ZSWIM2: variants seen among roughly 807,000 people sequenced by gnomAD.
ZSWIM2 encodes zinc finger SWIM-type containing 2.
ZSWIM2 carries 38 observed loss-of-function variants against 48.4 expected under a neutral mutation model. The ratio of observed to expected loss-of-function variants is 0.79; its 90% CI spans 0.61 to 1.03. The LOEUF is 1.03. ZSWIM2 is among the 50% of genes least tolerant of loss of function. The probability of loss-of-function intolerance (pLI) is 0.00; values close to 1 mark genes in which losing one functional copy is unlikely to be tolerated. For missense variants in ZSWIM2, 776 were observed against 730.2 expected, an observed-to-expected ratio of 1.06 and a Z score of -0.72; for synonymous variants, 240 against 251.3, an observed-to-expected ratio of 0.96 and a Z score of 0.42.
chr2:186,846,139 A>G (rs1250199078), intron 2 of ZSWIM2, among the ~76,000 whole-genome samples: 2 of 151,888 alleles, frequency 1.3e-5, no homozygotes, highest in African/African-American at 4.8e-5. Context: ...TAATAGACTT[A>G]ATTAAACTAT....
At chr2:186,848,674 A>G (rs1415707254) in intron 1 of ZSWIM2, 1 of 311,310 alleles carries the variant, frequency 3.2e-6, no homozygotes, top group South Asian at 4.5e-5. Context: ...AATGCCAACC[A>G]GGTATTCATA....
intron 8 of ZSWIM2, 120 bp from the exon 9 acceptor site, chr2:186,828,910 ATTAT>A (rs747340254): frequency 1.6e-4 from 98 of 604,402 alleles, no homozygotes; most frequent in African/African-American, 9.1e-4. Flanking sequence ...TTGAAAAATA[ATTAT>A]TTATCAAGTT....
At chr2:186,838,761 ATATAT>A (rs1033238757) in intron 4 of ZSWIM2, among the ~76,000 whole-genome samples, 193 bp downstream of exon 4, 31 of 145,590 alleles carry the variant, frequency 2.1e-4, no homozygotes, top group Middle Eastern at 3.3e-3. Flanking sequence ...TTATATTGTA[ATATAT>A]TATAATATAT....
chr2:186,834,545 C>T (rs1053111858), intron 5 of ZSWIM2, among the ~76,000 whole-genome samples: 1 of 151,998 alleles, frequency 6.6e-6, no homozygotes, highest in African/African-American at 2.4e-5. Context: ...GTTGTGTGCT[C>T]CTTATGAGAA....
chr2:186,834,113 C>T, intron 5 of ZSWIM2, 83 bp from the exon 6 acceptor site: 1 of 985,710 alleles, frequency 1.0e-6, no homozygotes, highest in Non-Finnish European at 1.5e-6. Context: ...CTGACCAAAA[C>T]TTCCTGGGAA....
intron 1 of ZSWIM2, 160 bp downstream of exon 1, chr2:186,848,806 T>G: frequency 1.2e-6 from 1 of 844,622 alleles, no homozygotes; most frequent in Non-Finnish European, 1.9e-6. Flanking sequence ...TAATTTCACG[T>G]ATTTTAGAGT....
intron 3 of ZSWIM2, among the ~76,000 whole-genome samples, chr2:186,839,497 C>CAA (rs1691864882): frequency 6.6e-6 from 1 of 151,602 alleles, no homozygotes; most frequent in Non-Finnish European, 1.5e-5. Context: ...AGTCCATAAA[C>CAA]AAATATTTTG....
chr2:186,831,863 C>T (rs934594034), intron 7 of ZSWIM2, among the ~76,000 whole-genome samples: 2 of 151,018 alleles, frequency 1.3e-5, no homozygotes, highest in East Asian at 2.0e-4. Flanking sequence ...CATCACACAC[C>T]GAGGACTGTT....
In ZSWIM2 at chr2:186,839,157, A is replaced by G; in HGVS notation, c.296T>C (p.Leu99Pro). 6.2e-7 allele frequency: 1 copy of G among 1,610,900 alleles called. No homozygotes were observed. The highest frequency in any genetic ancestry group is 8.5e-7 in the Non-Finnish European group (1 of 1,177,844). ...LPRNHESALQ[L>P]GLGEREISDL... is the part of the protein sequence containing the mutation. ...ACTTATCTCTCTTTCTCCAAGACCCAGTTGTAAAGCAGCTAGTGAGAAATC... is the reference window on the plus strand; with the variant it reads ...ACTTATCTCTCTTTCTCCAAGACCCGGTTGTAAAGCAGCTAGTGAGAAATC... Residue 99 changes from leucine to proline, a missense_variant, in exon 4 of 9, where the codon CTG becomes CCG. By Grantham distance (98) the Leu-to-Pro change is moderately conservative. Transcript: ENST00000295131.
intron 3 of ZSWIM2, among the ~76,000 whole-genome samples, chr2:186,839,824 G>A (rs1173653467): frequency 2.0e-5 from 3 of 151,466 alleles, no homozygotes; most frequent in Admixed American, 2.0e-4. Flanking sequence ...AAGGAATGAT[G>A]TTCTAAGTGC....
At chr2:186,837,644 TATAA>T (rs1449774683) in intron 4 of ZSWIM2, 90 bp from the exon 5 acceptor site, 1 of 439,724 alleles carries the variant, frequency 2.3e-6, no homozygotes, top group African/African-American at 2.2e-5. Context: ...TATATATTTA[TATAA>T]ATAAAATTTC....
In ZSWIM2 at chr2:186,828,052, G is replaced by C; in HGVS notation, c.1834C>G (p.Pro612Ala). 6.2e-7 allele frequency: 1 copy of C among 1,612,974 alleles called. No individual in the cohort carries two copies. Among genetic ancestry groups the C allele is most frequent in the South Asian group, 1.1e-5 (1 of 91,004 alleles). The change falls in exon 9 of 9, where the codon CCT becomes GCT. Residue 612 changes from proline (P) to alanine (A), a missense_variant. Transcript: ENST00000295131. ...TRKCSHLSRQ[P>A]VSHSVNTKST... ...TTTGTATTTACAGAGTGAGACACAG[G>C]CTGTCTTGATAGATGACTACATTTT... is the stretch of plus-strand genomic sequence containing the variant.
intron 1 of ZSWIM2, 154 bp downstream of exon 1, chr2:186,848,812 A>T: frequency 1.1e-6 from 1 of 897,294 alleles, no homozygotes; most frequent in Non-Finnish European, 1.7e-6. Context: ...CACGTATTTT[A>T]GAGTCTGGAA....
chr2:186,845,710 G>A (rs1237509701), intron 2 of ZSWIM2, among the ~76,000 whole-genome samples: 1 of 151,298 alleles, frequency 6.6e-6, no homozygotes. Context: ...AACAAAATGA[G>A]TTGATTTGTA....
intron 3 of ZSWIM2, among the ~76,000 whole-genome samples, chr2:186,843,976 T>C (rs149209339): frequency 2.0e-5 from 3 of 151,690 alleles, no homozygotes; most frequent in African/African-American, 7.2e-5. Flanking sequence ...TCTTTTTGAA[T>C]AGAAAAAATT....
intron 2 of ZSWIM2, among the ~76,000 whole-genome samples, chr2:186,845,574 T>C (rs529309698): frequency 1.3e-5 from 2 of 151,554 alleles, no homozygotes; most frequent in Admixed American, 6.6e-5. Flanking sequence ...TTTTTACTTC[T>C]AAAGAAAAGC....
At chr2:186,829,260 GA>G (rs1559111124) in intron 8 of ZSWIM2, among the ~76,000 whole-genome samples, 2 of 151,976 alleles carry the variant, frequency 1.3e-5, no homozygotes, top group Non-Finnish European at 1.5e-5. Flanking sequence ...CTTCATTTCA[GA>G]AAAAAAGTTG....
At chr2:186,845,419 T>G (rs2105823310) in intron 2 of ZSWIM2, among the ~76,000 whole-genome samples, 1 of 151,522 alleles carries the variant, frequency 6.6e-6, no homozygotes, top group Admixed American at 6.6e-5. Flanking sequence ...ATAATCATAA[T>G]ACCAAATTGT....
intron 5 of ZSWIM2, among the ~76,000 whole-genome samples, chr2:186,835,839 G>A (rs1277648996): frequency 2.0e-5 from 3 of 152,124 alleles, no homozygotes; most frequent in Admixed American, 1.3e-4. Flanking sequence ...AAAGAGAATG[G>A]AGACAGAGAT....
Sources: gnomAD v4.1 joint callset for allele counts (sites outside exome capture counted in the v4.1 genomes callset) on GRCh38, gnomAD v4.1.1 for gene constraint, MANE v1.5 for transcripts, NCBI Gene and HGNC (gene_info 2026-07-23, HGNC 2026-07-21) for gene names.